The following PALLD variants were observed in gnomAD, a reference collection of about 807,000 sequenced individuals.
PALLD encodes palladin.
Under a neutral mutation model 123.5 loss-of-function variants are expected in PALLD, and 61 were observed. The observed-to-expected ratio is 0.49, with a 90% confidence interval of 0.40 to 0.61. PALLD has a LOEUF of 0.61. Ranked by LOEUF, PALLD falls within the 20% of genes least tolerant of loss-of-function variation. PALLD has a pLI of 0.00. For missense variants in PALLD, 1,273 were observed against 1,377.0 expected (o/e 0.92, Z 1.20); for synonymous variants, 465 against 496.4 (o/e 0.94, Z 0.84).
intron 10 of PALLD, among the ~76,000 whole-genome samples, chr4:168,824,307 G>T (rs947276040): frequency 2.1e-4 from 32 of 152,000 alleles, no homozygotes; most frequent in Non-Finnish European, 3.5e-4. Context: ...CCTCTTAAGT[G>T]AATACTTTTT....
intron 2 of PALLD, among the ~76,000 whole-genome samples, chr4:168,625,941 T>C (rs1229309862): frequency 6.6e-6 from 1 of 152,072 alleles, no homozygotes; most frequent in Non-Finnish European, 1.5e-5. Context: ...TTATTCACAA[T>C]AGCAAAGAGG....
chr4:168,644,427 C>T (rs1454365586), intron 2 of PALLD, among the ~76,000 whole-genome samples: 2 of 152,228 alleles, frequency 1.3e-5, no homozygotes, highest in Admixed American at 1.3e-4. Context: ...GAGCACTGAC[C>T]TTGTCCCAAG....
In PALLD at chr4:168,674,686, A is replaced by C. The variant is rs370486296; in HGVS notation, c.1087+6318A>C. ...GATTTTAGCAAGAGGAGCTTGAGGA[A>C]TCTGAACAGGGTTAAAGATCAAATG... is the stretch of plus-strand genomic sequence containing the variant. On this transcript the variant is annotated intron_variant, in intron 3 of 21. Transcript: ENST00000505667. 1.8e-3 allele frequency among the ~76,000 whole-genome samples: 277 copies of C among 152,348 alleles called. 1 individual carries two copies. The highest frequency in any genetic ancestry group is 6.0e-3 in the African/African-American group (250 of 41,584).
Position 168,598,450 on chromosome 4 carries a change from A to T in PALLD, c.909-69740A>T, listed in dbSNP as rs542147863. The T allele has an allele frequency of 9.2e-5, 57 of 618,446 alleles. 2 individuals are homozygous for T. Among genetic ancestry groups the T allele is most frequent in the South Asian group, 7.9e-4 (56 of 70,804 alleles). 38.3% of individuals were successfully genotyped at this position (618,446 alleles called of 1,614,324 possible). A position where few individuals can be genotyped will look rare whatever the true frequency, so the allele number is the denominator to read the frequency against. On this transcript the variant is annotated intron_variant, in intron 2 of 21. Coordinates refer to ENST00000505667, the MANE Select transcript of PALLD (RefSeq NM_001166108.2). Reference sequence around the variant, plus strand: ...TTTCTGTGATTGGTTTGGCTTCTGCATGACTGGTAACTGCAAAGGTGTTAG... The same window carrying T: ...TTTCTGTGATTGGTTTGGCTTCTGCTTGACTGGTAACTGCAAAGGTGTTAG...
chr4:168,787,502 G>A (rs1455873905), intron 10 of PALLD, among the ~76,000 whole-genome samples: 1 of 152,192 alleles, frequency 6.6e-6, no homozygotes, highest in Non-Finnish European at 1.5e-5. Context: ...CTAACCACAT[G>A]TGGCTATTTA....
intron 2 of PALLD, among the ~76,000 whole-genome samples, chr4:168,642,331 C>T (rs1777042567): frequency 6.6e-6 from 1 of 152,154 alleles, no homozygotes; most frequent in African/African-American, 2.4e-5. Flanking sequence ...AGACACATTC[C>T]ACTTACTGCC....
chr4:168,695,055 TG>T (rs891677669), intron 8 of PALLD, among the ~76,000 whole-genome samples: 2 of 152,190 alleles, frequency 1.3e-5, no homozygotes, highest in African/African-American at 2.4e-5. Context: ...TCTAATAGCG[TG>T]CAAAATTAAA....
chr4:168,690,712 A>C lies in PALLD; in HGVS notation c.1445A>C (p.Gln482Pro). 4 of 1,614,188 alleles carry C rather than the reference A, an allele frequency of 2.5e-6. No homozygotes were observed. The highest frequency in any genetic ancestry group is 3.4e-6 in the Non-Finnish European group (4 of 1,180,024). The change falls in exon 7 of 22, where the codon CAA becomes CCA. Residue 482 changes from glutamine to proline, a missense_variant. Transcript: ENST00000505667. ...VQWFRQGSEI[Q>P]DSPDFRILQK... ...TGGTTTCGGCAAGGGAGTGAAATCC[A>C]AGACTCTCCAGATTTCCGAATTCTA...
At chr4:168,733,721 G>T (rs576412384) in intron 10 of PALLD, among the ~76,000 whole-genome samples, 82 of 151,948 alleles carry the variant, frequency 5.4e-4, no homozygotes, top group Admixed American at 3.7e-3. Flanking sequence ...AATGTTTTTT[G>T]TTGTTGTTGT....
chr4:168,639,830 C>A (rs774656169), intron 2 of PALLD, among the ~76,000 whole-genome samples: 1 of 152,218 alleles, frequency 6.6e-6, no homozygotes, highest in Non-Finnish European at 1.5e-5. Flanking sequence ...AGGCGTGAGC[C>A]ACCGTGCCCG....
chr4:168,607,761 T>C lies in PALLD; in HGVS notation c.909-60429T>C, dbSNP rs370879683. ...TAATGCTAATTATTTGTGAGTGTTT[T>C]CTGGAAAAAAAAAAATTGGCTGCAA... On this transcript the variant is annotated intron_variant, in intron 2 of 21. Coordinates refer to ENST00000505667, the MANE Select transcript of PALLD (RefSeq NM_001166108.2). 1.8e-3 allele frequency among the ~76,000 whole-genome samples: 259 copies of C among 147,350 alleles called. 1 individual carries two copies. Among genetic ancestry groups the C allele is most frequent in the African/African-American group, 5.9e-3 (243 of 41,018 alleles).
intron 10 of PALLD, chr4:168,878,485 C>A: frequency 1.0e-6 from 1 of 980,516 alleles, no homozygotes; most frequent in Non-Finnish European, 1.4e-6. Flanking sequence ...CTCCCATCAG[C>A]CTGCAACCCA....
chr4:168,502,844 C>G (rs770647114), intron 1 of PALLD, among the ~76,000 whole-genome samples: 3 of 152,228 alleles, frequency 2.0e-5, no homozygotes, highest in African/African-American at 7.2e-5. Context: ...TTCAAGGCTA[C>G]AGTGAGCTAT....
intron 18 of PALLD, among the ~76,000 whole-genome samples, chr4:168,922,085 T>TTATA (rs149658107): frequency 4.5e-5 from 6 of 134,314 alleles, no homozygotes; most frequent in Admixed American, 8.0e-5. Context: ...AGTTTTATAT[T>TTATA]TATATATATA....
intron 10 of PALLD, among the ~76,000 whole-genome samples, chr4:168,731,227 G>A (rs72699882): frequency 0.079 from 12,074 of 152,182 alleles, 485 homozygotes; most frequent in South Asian, 0.12. Flanking sequence ...TTCACAATCC[G>A]TTGCTCTCAG....
chr4:168,656,118 G>C (rs1245594370), intron 2 of PALLD, among the ~76,000 whole-genome samples: 1 of 152,150 alleles, frequency 6.6e-6, no homozygotes, highest in East Asian at 1.9e-4. Flanking sequence ...TGTAATCCAA[G>C]TTACAACAAT....
chr4:168,783,466 G>A (rs1156907733), intron 10 of PALLD, among the ~76,000 whole-genome samples: 1 of 152,092 alleles, frequency 6.6e-6, no homozygotes, highest in Non-Finnish European at 1.5e-5. Context: ...AGACAGGAGA[G>A]CATCTAGGGG....
At chr4:168,525,218 CT>C (rs1017929344) in intron 2 of PALLD, among the ~76,000 whole-genome samples, 6 of 152,136 alleles carry the variant, frequency 3.9e-5, no homozygotes, top group African/African-American at 1.4e-4. Flanking sequence ...TCTGATATAC[CT>C]TTTCTACAAA....
intron 10 of PALLD, among the ~76,000 whole-genome samples, chr4:168,854,535 G>A (rs1336673136): frequency 1.3e-5 from 2 of 152,210 alleles, no homozygotes; most frequent in Non-Finnish European, 2.9e-5. Flanking sequence ...GAAGATGCAA[G>A]AAGAGAACAG....
Sources: allele counts gnomAD v4.1 joint callset (sites outside exome capture counted in the v4.1 genomes callset), GRCh38; gene constraint gnomAD v4.1.1; transcripts MANE v1.5; gene names NCBI Gene and HGNC (gene_info 2026-07-23, HGNC 2026-07-21).